Variants in TEK observed in about 807,000 individuals in gnomAD.
TEK encodes angiopoietin-1 receptor.
A neutral mutation model predicts 131.8 loss-of-function variants in TEK; 43 were observed. That is an observed-to-expected ratio of 0.33 (90% CI 0.26 to 0.42). The LOEUF is 0.42. Among genes scored for constraint, TEK ranks in the 10% least tolerant of loss-of-function variants. TEK has a pLI of 1.00. For missense variants in TEK, 1,162 were observed against 1,384.4 expected (o/e 0.84, Z 2.55); for synonymous variants, 580 against 491.6 (o/e 1.18, Z -2.38).
intron 6 of TEK, among the ~76,000 whole-genome samples, chr9:27,178,363 C>G (rs928890371): frequency 2.0e-5 from 3 of 151,992 alleles, no homozygotes; most frequent in African/African-American, 7.3e-5. Flanking sequence ...ATTACTATAG[C>G]TTTGTAATAT....
At chr9:27,192,751 C>T (rs1824870667) in intron 11 of TEK, 128 bp downstream of exon 11, 20 of 947,026 alleles carry the variant, frequency 2.1e-5, no homozygotes, top group South Asian at 9.8e-5. Flanking sequence ...GGCAGGAGTT[C>T]GCTTTTGAAT....
At chr9:27,188,609 CTT>C (rs1824687603) in intron 9 of TEK, among the ~76,000 whole-genome samples, 1 of 152,160 alleles carries the variant, frequency 6.6e-6, no homozygotes, top group Admixed American at 6.6e-5. Flanking sequence ...ACTTATCTAA[CTT>C]AATATTGGCA....
intron 1 of TEK, among the ~76,000 whole-genome samples, chr9:27,128,011 T>C (rs886574924): frequency 5.9e-5 from 9 of 152,220 alleles, no homozygotes; most frequent in Non-Finnish European, 1.2e-4. Flanking sequence ...TTGGCTTCTG[T>C]TGCGATTGCT....
At chr9:27,202,796 A>C in intron 12 of TEK, 24 bp from the exon 13 acceptor site, 9 of 1,610,330 alleles carry the variant, frequency 5.6e-6, no homozygotes, top group Non-Finnish European at 6.8e-6. Context: ...TCTTAAGTGA[A>C]TCTTTTTTCT....
In TEK at chr9:27,190,567, A is replaced by C; in HGVS notation, c.1366A>C (p.Thr456Pro). The C allele has an allele frequency of 6.2e-7, 1 of 1,614,036 alleles. No individual in the cohort carries two copies. Among genetic ancestry groups the C allele is most frequent in the South Asian group, 1.1e-5 (1 of 91,084 alleles). The change falls in exon 10 of 23, where the codon ACT becomes CCT. Residue 456 changes from threonine to proline, a missense_variant. Around this residue, in one of 6 missense-constraint regions of TEK, gnomAD observed 477 missense variants for 471.0 expected, o/e 1.01. Transcript: ENST00000380036. ...KPLNAPNVID[T>P]GHNFAVINIS... ...CCTGAATGCCCCAAACGTGATTGACACTGGACATAACTTTGCTGTCATCAA... is the reference window on the plus strand; with the variant it reads ...CCTGAATGCCCCAAACGTGATTGACCCTGGACATAACTTTGCTGTCATCAA...
At chr9:27,115,686 G>T (rs776182096) in intron 1 of TEK, among the ~76,000 whole-genome samples, 1 of 152,192 alleles carries the variant, frequency 6.6e-6, no homozygotes, top group Non-Finnish European at 1.5e-5. Context: ...TCCAGTTATA[G>T]TTATAACTTG....
chr9:27,151,785 A>C (rs1368965889), intron 1 of TEK, among the ~76,000 whole-genome samples: 1 of 152,256 alleles, frequency 6.6e-6, no homozygotes, highest in Admixed American at 6.5e-5. Flanking sequence ...GCATGCAATA[A>C]GTCTGCGTGG....
intron 3 of TEK, among the ~76,000 whole-genome samples, chr9:27,169,214 G>C (rs1823857045): frequency 6.6e-6 from 1 of 152,176 alleles, no homozygotes; most frequent in Admixed American, 6.5e-5. Flanking sequence ...TCTCCCTGTA[G>C]AATGTAAGAA....
At chr9:27,167,348 C>A (rs988614011) in intron 2 of TEK, among the ~76,000 whole-genome samples, 7 of 152,138 alleles carry the variant, frequency 4.6e-5, no homozygotes. Flanking sequence ...CTACCTCAGC[C>A]TCCCGAGTAG....
At chr9:27,125,119 A>G (rs999543895) in intron 1 of TEK, among the ~76,000 whole-genome samples, 9 of 152,202 alleles carry the variant, frequency 5.9e-5, no homozygotes, top group Admixed American at 6.5e-5. Flanking sequence ...TCTCACACCC[A>G]GAGTCAGCAG....
chr9:27,163,356 A>G (rs1048177738), intron 2 of TEK, among the ~76,000 whole-genome samples: 20 of 152,144 alleles, frequency 1.3e-4, no homozygotes, highest in African/African-American at 4.8e-4. Context: ...GTGGGGCTAT[A>G]ATGAAAAAAT....
intron 1 of TEK, among the ~76,000 whole-genome samples, chr9:27,142,967 C>T (rs1233380212): frequency 6.6e-6 from 1 of 152,194 alleles, no homozygotes; most frequent in African/African-American, 2.4e-5. Context: ...ATTCGTGTGT[C>T]ATTGAAACAC....
At chr9:27,195,784 T>C (rs1586998908) in intron 11 of TEK, 1 of 431,548 alleles carries the variant, frequency 2.3e-6, no homozygotes, top group East Asian at 7.1e-5. Flanking sequence ...TACTCCTGAG[T>C]CTGGAAGATG....
At chr9:27,178,421 C>T (rs751518074) in intron 6 of TEK, among the ~76,000 whole-genome samples, 4 of 152,022 alleles carry the variant, frequency 2.6e-5, no homozygotes, top group African/African-American at 7.2e-5. Flanking sequence ...TCTTCTTGCT[C>T]AATATTGCTT....
rs1453926724 is a variant in TEK at position 27,109,363 on chromosome 9, C to A, written c.-228C>A. The A allele has an allele frequency of 1.6e-6, 1 of 618,988 alleles. No individual in the cohort carries two copies. Among genetic ancestry groups the A allele is most frequent in the African/African-American group, 1.8e-5 (1 of 54,312 alleles). 38.3% of individuals were successfully genotyped at this position (618,988 alleles called of 1,614,324 possible). ...AATGCCTTTAAGATACAGCCTTTCC[C>A]ATCCTAATCTACAAAGGAAACAGGA... On this transcript the variant is annotated 5_prime_UTR_variant, in exon 1 of 23. Transcript: ENST00000380036.
At chr9:27,211,119 TTA>T (rs1491553374) in intron 16 of TEK, among the ~76,000 whole-genome samples, 3 of 115,510 alleles carry the variant, frequency 2.6e-5, no homozygotes. Flanking sequence ...GAGACTCAGT[TTA>T]AAAAAAAATA....
chr9:27,113,850 C>T (rs752926178), intron 1 of TEK, among the ~76,000 whole-genome samples: 20 of 152,192 alleles, frequency 1.3e-4, no homozygotes, highest in Non-Finnish European at 2.5e-4. Flanking sequence ...ATCCATTTAT[C>T]CCTGTTTGTA....
At chr9:27,173,574 A>C (rs58848460) in intron 6 of TEK, among the ~76,000 whole-genome samples, 1,922 of 152,212 alleles carry the variant, frequency 0.013, 43 homozygotes, top group African/African-American at 0.043. Context: ...TCTCATAACT[A>C]TCATCTGGGG....
Position 27,139,212 on chromosome 9 carries a change from C to CAAAAA in TEK, c.53-18610_53-18606dup, listed in dbSNP as rs746301649. ...TGGGCGACAGAGCGAGACTCTGTCT[C>CAAAAA]AAAAAAAAAAAAACAGTAGGATTCT... On this transcript the variant is annotated intron_variant, in intron 1 of 22. Transcript: ENST00000380036. 2.8e-4 allele frequency among the ~76,000 whole-genome samples: 16 copies of CAAAAA among 57,414 alleles called. 2 individuals carry two copies. Among genetic ancestry groups the CAAAAA allele is most frequent in the African/African-American group, 4.2e-4 (6 of 14,366 alleles). The allele number at this position is 57,414 out of a possible 152,430, so 37.7% of individuals were successfully genotyped here.
Sources: gnomAD v4.1 joint callset for allele counts (sites outside exome capture counted in the v4.1 genomes callset) on GRCh38, gnomAD v4.1.1 for gene constraint, gnomAD v4.1.1 regional missense constraint, MANE v1.5 for transcripts, NCBI Gene and HGNC (gene_info 2026-07-23, HGNC 2026-07-21) for gene names.